Variants in ROBO1 observed in about 807,000 individuals in gnomAD.
The protein encoded by ROBO1 is roundabout guidance receptor 1, also known as roundabout homolog 1.
A neutral mutation model predicts 195.9 loss-of-function variants in ROBO1; 149 were observed. The ratio of observed to expected loss-of-function variants is 0.76; its 90% CI spans 0.67 to 0.87. The LOEUF is 0.87. Ranked by LOEUF, ROBO1 falls within the 40% of genes least tolerant of loss-of-function variation. The probability of loss-of-function intolerance (pLI) is 0.00; values close to 1 mark genes in which losing one functional copy is unlikely to be tolerated. For synonymous variants in ROBO1, 816 were observed against 733.2 expected (o/e 1.11, Z -1.82); for missense variants, 1,933 against 2,068.3 (o/e 0.93, Z 1.27).
chr3:79,054,646 A>G (rs1241488390), intron 3 of ROBO1, among the ~76,000 whole-genome samples: 6 of 152,108 alleles, frequency 3.9e-5, no homozygotes, highest in Non-Finnish European at 8.8e-5. Flanking sequence ...ACTCGTAAAA[A>G]TTGCACTTAA....
In ROBO1 at chr3:78,635,839, C is replaced by T. The variant is rs1420699702; in HGVS notation, c.3307G>A (p.Gly1103Arg). Residue 1103 changes from glycine to arginine, a missense_variant, in exon 23 of 31, where the codon GGA becomes AGA. Coordinates refer to ENST00000464233, the MANE Select transcript of ROBO1 (RefSeq NM_002941.4). ...DSGEKHWKPLGQQKQEVAPVQ... is the reference protein window; with the variant it reads ...DSGEKHWKPLRQQKQEVAPVQ... ...GGTGCCACTTCTTGTTTCTGCTGTCCCAGTGGTTTCCAGTGCTTCTCGCCA... is the reference window on the plus strand; with the variant it reads ...GGTGCCACTTCTTGTTTCTGCTGTCTCAGTGGTTTCCAGTGCTTCTCGCCA... The T allele has an allele frequency of 1.9e-6, 3 of 1,613,648 alleles. No individual in the cohort carries two copies.
At chr3:79,384,208 A>G (rs564916279) in intron 2 of ROBO1, among the ~76,000 whole-genome samples, 1 of 152,138 alleles carries the variant, frequency 6.6e-6, no homozygotes, top group African/African-American at 2.4e-5. Flanking sequence ...CTTAAAGTTG[A>G]TACTATATTC....
intron 26 of ROBO1, among the ~76,000 whole-genome samples, chr3:78,623,213 G>A (rs929267194): frequency 2.6e-5 from 4 of 152,144 alleles, no homozygotes; most frequent in African/African-American, 4.8e-5. Context: ...AGTGTTGCGG[G>A]AACACATAAA....
chr3:79,395,340 A>AAAAAAAG (rs71631648), intron 2 of ROBO1, among the ~76,000 whole-genome samples: 29 of 119,064 alleles, frequency 2.4e-4, no homozygotes, highest in Non-Finnish European at 3.4e-4. Context: ...AAAAAAAAAA[A>AAAAAAAG]AAAGAAAGAA....
intron 1 of ROBO1, among the ~76,000 whole-genome samples, chr3:79,634,923 T>A (rs1359058658): frequency 6.6e-6 from 1 of 152,050 alleles, no homozygotes; most frequent in Non-Finnish European, 1.5e-5. Flanking sequence ...CAAGAGAAAA[T>A]AATGAGTTAA....
At chr3:79,710,423 C>T (rs1050993568) in intron 1 of ROBO1, among the ~76,000 whole-genome samples, 11 of 152,036 alleles carry the variant, frequency 7.2e-5, no homozygotes, top group African/African-American at 2.7e-4. Context: ...AAAATGGAAG[C>T]CAGAAAACAG....
rs998024589 is a variant in ROBO1, at chr3:78,945,610, G to A, written c.173-6683C>T. ...AACTGGAAACTCTAAAAATCAGAGC[G>A]CCTCTCCTCCTCCAAAGGAATGCAG... On this transcript the variant is annotated intron_variant, in intron 3 of 30. Coordinates refer to ENST00000464233, the MANE Select transcript of ROBO1 (RefSeq NM_002941.4). 4.6e-5 allele frequency among the ~76,000 whole-genome samples: 7 copies of A among 152,232 alleles called. No individual in the cohort carries two copies. The East Asian group carries it at 5.8e-4, about 13-fold the overall frequency.
intron 2 of ROBO1, among the ~76,000 whole-genome samples, chr3:79,549,073 G>A (rs1576006481): frequency 6.6e-6 from 1 of 152,238 alleles, no homozygotes; most frequent in South Asian, 2.1e-4. Flanking sequence ...CTTCCATTGG[G>A]TGAAAAATCC....
intron 3 of ROBO1, among the ~76,000 whole-genome samples, chr3:79,117,894 T>A (rs549890858): frequency 6.6e-6 from 1 of 152,220 alleles, no homozygotes; most frequent in East Asian, 1.9e-4. Context: ...GAATTAGAGA[T>A]TAGGAAGGGT....
At chr3:79,438,339 A>C (rs951208429) in intron 2 of ROBO1, among the ~76,000 whole-genome samples, 4 of 151,918 alleles carry the variant, frequency 2.6e-5, no homozygotes, top group Admixed American at 2.0e-4. Flanking sequence ...CACTAACATC[A>C]TGGGTTGTTA....
chr3:79,705,212 T>G (rs1365989115), intron 1 of ROBO1, among the ~76,000 whole-genome samples: 1 of 152,060 alleles, frequency 6.6e-6, no homozygotes, highest in Non-Finnish European at 1.5e-5. Flanking sequence ...AGCTTATCAA[T>G]TCTTTCTTTC....
intron 3 of ROBO1, among the ~76,000 whole-genome samples, chr3:79,081,793 T>A (rs1258591019): frequency 3.3e-5 from 5 of 152,206 alleles, no homozygotes. Flanking sequence ...TGTGACAGTT[T>A]GGAAAGGATG....
Position 78,866,462 on chromosome 3 carries a change from A to G in ROBO1, c.499+72139T>C, listed in dbSNP as rs375780115. Reference sequence around the variant, plus strand: ...AAATCTGTTTTGCCTCTATTTGCCAAATTTATAGACTATAGAACCCTTCTT... The same window carrying G: ...AAATCTGTTTTGCCTCTATTTGCCAGATTTATAGACTATAGAACCCTTCTT... On this transcript the variant is annotated intron_variant, in intron 4 of 30. Coordinates refer to ENST00000464233, the MANE Select transcript of ROBO1 (RefSeq NM_002941.4). Among the ~76,000 whole-genome samples, 111 of 152,280 alleles carry G rather than the reference A, an allele frequency of 7.3e-4. 1 individual carries two copies. The highest frequency in any genetic ancestry group is 1.2e-3 in the Non-Finnish European group (82 of 68,014).
intron 1 of ROBO1, among the ~76,000 whole-genome samples, chr3:79,729,485 A>G (rs1389794681): frequency 6.6e-6 from 1 of 152,124 alleles, no homozygotes; most frequent in Non-Finnish European, 1.5e-5. Flanking sequence ...TCTCACTTAG[A>G]AAAAAAAGTG....
At chr3:78,835,931 A>AC (rs1026216241) in intron 4 of ROBO1, among the ~76,000 whole-genome samples, 1 of 152,182 alleles carries the variant, frequency 6.6e-6, no homozygotes, top group African/African-American at 2.4e-5. Context: ...TACTTCACTT[A>AC]TTTTGTCATG....
intron 4 of ROBO1, among the ~76,000 whole-genome samples, chr3:78,871,742 C>CAAA (rs71127366): frequency 0.26 from 29,124 of 110,738 alleles, 3,068 homozygotes; most frequent in Non-Finnish European, 0.3. Flanking sequence ...GCTTTCACAG[C>CAAA]AAAAAAAAAA....
At chr3:78,880,267 T>C (rs534595309) in intron 4 of ROBO1, among the ~76,000 whole-genome samples, 4 of 152,316 alleles carry the variant, frequency 2.6e-5, no homozygotes, top group South Asian at 4.1e-4. Context: ...ATCAGAAGAT[T>C]GACTCCTACA....
chr3:78,604,817 T>C (rs1703374742), intron 29 of ROBO1, among the ~76,000 whole-genome samples: 1 of 152,220 alleles, frequency 6.6e-6, no homozygotes, highest in Non-Finnish European at 1.5e-5. Context: ...TAAGTGCCCC[T>C]GTAGGTTTTT....
rs1428756678 is a variant in ROBO1, at chr3:79,373,436, T to C, written c.88+216388A>G. Among the ~76,000 whole-genome samples, 5 of 152,300 alleles carry C rather than the reference T, an allele frequency of 3.3e-5. No homozygotes were observed. The East Asian group carries it at 9.6e-4, about 29-fold the overall frequency. On this transcript the variant is annotated intron_variant, in intron 2 of 30. Transcript: ENST00000464233. ...ACAAGACTTTGAAGACTGCCCTAAT[T>C]CTAAACAGCTTCAATAAAATGGGGC...
Sources: allele counts gnomAD v4.1 joint callset (sites outside exome capture counted in the v4.1 genomes callset), GRCh38; gene constraint gnomAD v4.1.1; transcripts MANE v1.5; gene names NCBI Gene and HGNC (gene_info 2026-07-23, HGNC 2026-07-21).